The following GNG7 variants were observed in gnomAD, a reference collection of about 807,000 sequenced individuals.
The protein encoded by GNG7 is guanine nucleotide-binding protein G(I)/G(S)/G(O) subunit gamma-7.
In GNG7, 1 loss-of-function variant was observed where a neutral mutation model predicts 4.0. That is an observed-to-expected ratio of 0.25 (90% CI 0.09 to 1.18). GNG7 has a LOEUF of 1.18. Among genes scored for constraint, GNG7 ranks in the 50% most tolerant of loss-of-function variants. GNG7 has a pLI of 0.50. For missense variants in GNG7, 86 were observed against 91.9 expected (o/e 0.94, Z 0.26); for synonymous variants, 34 against 36.9 (o/e 0.92, Z 0.29).
intron 2 of GNG7, among the ~76,000 whole-genome samples, chr19:2,579,347 C>T (rs1041446000): frequency 6.6e-6 from 1 of 152,236 alleles, no homozygotes; most frequent in Non-Finnish European, 1.5e-5. Context: ...GTGGCCAGGG[C>T]GGGCGGGCAG....
At chr19:2,578,192 G>T (rs777133576) in intron 2 of GNG7, among the ~76,000 whole-genome samples, 3 of 151,996 alleles carry the variant, frequency 2.0e-5, no homozygotes, top group Non-Finnish European at 4.4e-5. Context: ...ATTCTTAGGG[G>T]CTTTGAGGGT....
intron 1 of GNG7, among the ~76,000 whole-genome samples, chr19:2,679,038 A>ACT (rs1568282773): frequency 6.6e-6 from 1 of 152,126 alleles, no homozygotes; most frequent in Non-Finnish European, 1.5e-5. Context: ...ATAACAACAT[A>ACT]AGTAACATAT....
chr19:2,694,242 G>A (rs982079538), intron 1 of GNG7, among the ~76,000 whole-genome samples: 1 of 151,520 alleles, frequency 6.6e-6, no homozygotes, highest in Non-Finnish European at 1.5e-5. Flanking sequence ...TTTTTGGGGG[G>A]GGGCAGGGAA....
chr19:2,661,302 G>GAAAGAAAGAAACAAAGAA lies in GNG7; in HGVS notation c.-134-15023_-134-15022insTTCTTTGTTTCTTTCTTT. Among the ~76,000 whole-genome samples the GAAAGAAAGAAACAAAGAA allele has an allele frequency of 3.1e-4, 23 of 73,124 alleles. 2 individuals are homozygous for GAAAGAAAGAAACAAAGAA. Among genetic ancestry groups the GAAAGAAAGAAACAAAGAA allele is most frequent in the African/African-American group, 1.2e-3 (23 of 18,502 alleles). The allele number at this position is 73,124 out of a possible 152,430, so 48.0% of individuals were successfully genotyped here. ...AGAAAGAAAGAAAGAAAGAAAGAAA[G>GAAAGAAAGAAACAAAGAA]AGAAAGAAAGAAAGAAAGAAAGAAA... On this transcript the variant is annotated intron_variant, in intron 1 of 4. Transcript: ENST00000382159.
intron 1 of GNG7, among the ~76,000 whole-genome samples, chr19:2,674,715 C>T (rs755067262): frequency 3.9e-4 from 59 of 152,304 alleles, no homozygotes; most frequent in Non-Finnish European, 6.0e-4. Flanking sequence ...GGATTACAGG[C>T]GTGAGCTACT....
chr19:2,627,511 G>A (rs753892443), intron 2 of GNG7, among the ~76,000 whole-genome samples: 5 of 152,202 alleles, frequency 3.3e-5, no homozygotes, highest in Non-Finnish European at 5.9e-5. Flanking sequence ...GGCAGCCCGC[G>A]TGCTGTAAAC....
chr19:2,539,076 T>A (rs1490792886), intron 3 of GNG7, among the ~76,000 whole-genome samples: 1 of 152,050 alleles, frequency 6.6e-6, no homozygotes, highest in African/African-American at 2.4e-5. Context: ...CAGCCCTAGA[T>A]TGTTAAATAA....
chr19:2,638,883 A>G (rs1982406213), intron 2 of GNG7, among the ~76,000 whole-genome samples: 1 of 152,158 alleles, frequency 6.6e-6, no homozygotes. Context: ...ATTTTTTTAT[A>G]ATCTTAAAAT....
intron 4 of GNG7, 88 bp from the exon 5 acceptor site, chr19:2,515,235 C>T: frequency 6.5e-7 from 1 of 1,543,468 alleles, no homozygotes; most frequent in Non-Finnish European, 8.8e-7. Context: ...CCAAGAGCCA[C>T]AGGCGGAAAC....
chr19:2,576,308 C>T (rs1042607436), intron 2 of GNG7, among the ~76,000 whole-genome samples: 1 of 152,250 alleles, frequency 6.6e-6, no homozygotes, highest in Admixed American at 6.5e-5. Context: ...TTGATTCCAG[C>T]AGAACCCTTC....
chr19:2,681,734 C>T (rs750589744), intron 1 of GNG7, among the ~76,000 whole-genome samples: 4 of 152,164 alleles, frequency 2.6e-5, no homozygotes, highest in South Asian at 4.1e-4. Context: ...CCAGCAGCGA[C>T]GCATGAGGAT....
At chr19:2,621,010 T>C (rs1223895534) in intron 2 of GNG7, among the ~76,000 whole-genome samples, 2 of 152,100 alleles carry the variant, frequency 1.3e-5, no homozygotes, top group African/African-American at 4.8e-5. Flanking sequence ...GTACGACTCA[T>C]ACAGGTTTCT....
At chr19:2,576,290 A>G (rs1309776644) in intron 2 of GNG7, among the ~76,000 whole-genome samples, 6 of 152,204 alleles carry the variant, frequency 3.9e-5, no homozygotes, top group South Asian at 4.1e-4. Flanking sequence ...AAAAACAAAC[A>G]TGCCGGGTTG....
intron 2 of GNG7, among the ~76,000 whole-genome samples, chr19:2,560,188 C>T (rs1342154560): frequency 6.6e-6 from 1 of 152,068 alleles, no homozygotes; most frequent in Admixed American, 6.5e-5. Context: ...TTCACAAATA[C>T]ACACCAAGCC....
At chr19:2,650,005 G>A (rs1982767824) in intron 1 of GNG7, among the ~76,000 whole-genome samples, 1 of 151,986 alleles carries the variant, frequency 6.6e-6, no homozygotes, top group South Asian at 2.1e-4. Context: ...CGTCCTCAAG[G>A]TGCATCCATG....
intron 2 of GNG7, among the ~76,000 whole-genome samples, chr19:2,630,048 C>T (rs986434630): frequency 1.3e-5 from 2 of 151,430 alleles, no homozygotes; most frequent in Non-Finnish European, 2.9e-5. Flanking sequence ...AGTGGAGACA[C>T]ATTTAGGTGT....
At position 2,646,295 on chromosome 19, in the gene GNG7, TAG is replaced by T. The variant is rs1236905425; in HGVS notation, c.-134-17_-134-16del. The T allele has an allele frequency of 6.6e-6, 1 of 151,338 alleles. No homozygotes were observed. Among genetic ancestry groups the T allele is most frequent in the Non-Finnish European group, 1.5e-5 (1 of 67,902 alleles). The allele number at this position is 151,338 out of a possible 1,614,324, so 9.4% of individuals were successfully genotyped here. On this transcript the variant is annotated splice_polypyrimidine_tract_variant and intron_variant, in intron 1 of 4. Coordinates refer to ENST00000382159, the MANE Select transcript of GNG7 (RefSeq NM_052847.3). ...AGCTCCACTCCCTGGAAAAAACACA[TAG>T]AGTTAGTTTGGCGTGGCTTGGCTGG...
rs143910082 is a variant in GNG7 at position 2,593,659 on chromosome 19, G to T, written c.-77-38471C>A. Reference sequence around the variant, plus strand: ...CTAGGGGTGCTGAGGCAGGAGAATCGCTTGAACCTGGGACACGGAGCTTGC... The same window carrying T: ...CTAGGGGTGCTGAGGCAGGAGAATCTCTTGAACCTGGGACACGGAGCTTGC... On this transcript the variant is annotated intron_variant, in intron 2 of 4. Transcript: ENST00000382159. 7.0e-3 allele frequency among the ~76,000 whole-genome samples: 1,068 copies of T among 151,740 alleles called. 13 individuals are homozygous for T. The highest frequency in any genetic ancestry group is 0.025 in the African/African-American group (1,019 of 41,374).
intron 1 of GNG7, among the ~76,000 whole-genome samples, chr19:2,690,206 A>AC (rs1731609936): frequency 6.6e-6 from 1 of 151,702 alleles, no homozygotes; most frequent in Admixed American, 6.6e-5. Context: ...ACATGGTGAA[A>AC]CCCCATCTCT....
Sources: gnomAD v4.1 joint callset for allele counts (sites outside exome capture counted in the v4.1 genomes callset) on GRCh38, gnomAD v4.1.1 for gene constraint, MANE v1.5 for transcripts, NCBI Gene and HGNC (gene_info 2026-07-23, HGNC 2026-07-21) for gene names.